TRPC1: variants seen among roughly 807,000 people sequenced by gnomAD.
TRPC1 encodes transient receptor potential cation channel subfamily C member 1, also known as short transient receptor potential channel 1.
In TRPC1, 42 loss-of-function variants were observed where a neutral mutation model predicts 88.2. The ratio of observed to expected loss-of-function variants is 0.48; its 90% CI spans 0.37 to 0.62. The LOEUF (loss-of-function observed/expected upper bound fraction) is 0.62. Ranked by LOEUF, TRPC1 falls within the 20% of genes least tolerant of loss-of-function variation. TRPC1 has a pLI of 0.00. For synonymous variants in TRPC1, 288 were observed against 331.8 expected, an observed-to-expected ratio of 0.87 and a Z score of 1.43; for missense variants, 699 against 957.3, an observed-to-expected ratio of 0.73 and a Z score of 3.56.
At chr3:142,754,089 CAAAAAAAAAAA>C (rs10609600) in intron 4 of TRPC1, among the ~76,000 whole-genome samples, 7 of 86,154 alleles carry the variant, frequency 8.1e-5, no homozygotes, top group African/African-American at 2.9e-4. Context: ...GACTCCGTCT[CAAAAAAAAAAA>C]AAAAAAAAAA....
chr3:142,743,586 A>T lies in TRPC1; in HGVS notation c.429A>T (p.Val143=). ...AACGATCATCAAGACCAACTATAGT[A>T]GTTAGTACTCTTAAATATTTATTAA... is the stretch of plus-strand genomic sequence containing the variant. ...RPKRSSRPTI[V]KLMERIQNPE... Residue 143 remains valine, a splice_region_variant and synonymous_variant, in exon 3 of 13, where the codon GTA becomes GTT. Coordinates refer to ENST00000476941, the MANE Select transcript of TRPC1 (RefSeq NM_001251845.2). The T allele has an allele frequency of 6.7e-7, 1 of 1,484,584 alleles. No individual in the cohort carries two copies. The highest frequency in any genetic ancestry group is 1.3e-5 in the South Asian group (1 of 74,780). 92.0% of individuals were successfully genotyped at this position (1,484,584 alleles called of 1,614,324 possible).
chr3:142,732,044 C>A (rs180959463), intron 1 of TRPC1, among the ~76,000 whole-genome samples: 1 of 152,232 alleles, frequency 6.6e-6, no homozygotes, highest in Admixed American at 6.5e-5. Flanking sequence ...TACTCTCTAA[C>A]CCTTTTTCAG....
chr3:142,743,433 A>G lies in TRPC1; in HGVS notation c.328-52A>G, dbSNP rs146117132. The stretch of plus-strand genomic sequence containing the variant: ...TATTTATGAATTAGTAAAAAGAAGT[A>G]GTTTACCTTTTTATCTTCCATTTTC... On this transcript the variant is annotated intron_variant, in intron 2 of 12. Transcript: ENST00000476941. 1.9e-3 allele frequency: 2,337 copies of G among 1,253,358 alleles called. 5 individuals are homozygous for G. Among genetic ancestry groups the G allele is most frequent in the Middle Eastern group, 4.5e-3 (23 of 5,132 alleles). The allele number at this position is 1,253,358 out of a possible 1,614,324, so 77.6% of individuals were successfully genotyped here.
rs772461951 is a variant in TRPC1, at chr3:142,785,000, C to T, written c.1257C>T (p.Ala419=). 23 of 1,612,468 alleles carry T rather than the reference C, an allele frequency of 1.4e-5. No homozygotes were observed. Among genetic ancestry groups the T allele is most frequent in the Non-Finnish European group, 1.9e-5 (22 of 1,179,544 alleles). The change falls in exon 7 of 13, where the codon GCC becomes GCT. Residue 419 remains alanine (A), a synonymous_variant. Coordinates refer to ENST00000476941, the MANE Select transcript of TRPC1 (RefSeq NM_001251845.2). The part of the protein sequence containing the change: ...NEDKKNTMGP[A]LERIDYLLIL... ...ATAAGAAAAACACAATGGGGCCAGC[C>T]CTTGAAAGAATAGACTATCTTCTTA...
chr3:142,775,242 A>T (rs932584530), intron 4 of TRPC1, among the ~76,000 whole-genome samples: 1 of 152,228 alleles, frequency 6.6e-6, no homozygotes, highest in African/African-American at 2.4e-5. Flanking sequence ...TATAAGCTAA[A>T]TAAGGACTAT....
chr3:142,772,653 G>T (rs1935617884), intron 4 of TRPC1, among the ~76,000 whole-genome samples: 1 of 151,210 alleles, frequency 6.6e-6, no homozygotes, highest in African/African-American at 2.5e-5. Flanking sequence ...CAGGCATGGT[G>T]GCGCACACCT....
chr3:142,797,509 T>G (rs1936489676), intron 9 of TRPC1, among the ~76,000 whole-genome samples: 1 of 152,082 alleles, frequency 6.6e-6, no homozygotes, highest in Non-Finnish European at 1.5e-5. Context: ...GCCTCAACAT[T>G]TATGGTACTT....
At chr3:142,761,218 A>G (rs1472369884) in intron 4 of TRPC1, among the ~76,000 whole-genome samples, 1 of 151,884 alleles carries the variant, frequency 6.6e-6, no homozygotes, top group African/African-American at 2.4e-5. Context: ...TATTATTTTG[A>G]AGTATGTCCC....
intron 1 of TRPC1, among the ~76,000 whole-genome samples, chr3:142,731,534 C>T (rs1933912521): frequency 6.6e-6 from 1 of 151,358 alleles, no homozygotes; most frequent in African/African-American, 2.4e-5. Context: ...ACAGGTGCCC[C>T]CCACCATGCC....
Position 142,724,467 on chromosome 3 carries a change from T to A in TRPC1, c.-93T>A. The A allele has an allele frequency of 7.8e-7, 1 of 1,278,948 alleles. No homozygotes were observed. Among genetic ancestry groups the A allele is most frequent in the African/African-American group, 1.6e-5 (1 of 62,660 alleles). 79.2% of individuals were successfully genotyped at this position (1,278,948 alleles called of 1,614,324 possible). ...AGCAGTGGGAACGACTCATCCTTTT[T>A]CCAGCCCTGGGGCGTGGCTGGGGTC... On this transcript the variant is annotated 5_prime_UTR_variant, in exon 1 of 13. Transcript: ENST00000476941. This position sits in a 1 kb window ranked among gnomAD's most constrained non-coding sequence, Gnocchi z 5.6.
intron 9 of TRPC1, among the ~76,000 whole-genome samples, chr3:142,801,577 TACTC>T (rs1294136714): frequency 6.6e-6 from 1 of 152,126 alleles, no homozygotes; most frequent in African/African-American, 2.4e-5. Flanking sequence ...CTACAAAAGA[TACTC>T]ACTACTAATA....
chr3:142,806,152 G>C lies in TRPC1; in HGVS notation c.2299G>C (p.Asp767His), dbSNP rs769471377. The change falls in exon 13 of 13, where the codon GAT becomes CAT. Residue 767 changes from aspartate to histidine, a missense_variant. Around this residue, in one of 4 missense-constraint regions of TRPC1, gnomAD observed 105 missense variants for 141.7 expected, o/e 0.74. Transcript: ENST00000476941. ...GGAAAATCTAAACGAACTGCGCCAAGATCTGTCAAAATTCCGAAATGAAAT... is the reference window on the plus strand; with the variant it reads ...GGAAAATCTAAACGAACTGCGCCAACATCTGTCAAAATTCCGAAATGAAAT... ...TVENLNELRQ[D>H]LSKFRNEIRD... The C allele has an allele frequency of 1.9e-6, 3 of 1,613,828 alleles. No homozygotes were observed.
In TRPC1 at chr3:142,726,165, A is replaced by G. The variant is rs1933662571; in HGVS notation, c.172+1434A>G. 2.6e-5 allele frequency among the ~76,000 whole-genome samples: 4 copies of G among 152,194 alleles called. No homozygotes were observed. The South Asian group carries it at 8.3e-4, about 31-fold the overall frequency. ...GAGGAAGGGGAGAAGATTGTGTTGT[A>G]CTAAAATGAGTAAGTGCTGGCTCCA... On this transcript the variant is annotated intron_variant, in intron 1 of 12. Coordinates refer to ENST00000476941, the MANE Select transcript of TRPC1 (RefSeq NM_001251845.2).
rs1018024933 is a variant in TRPC1, at chr3:142,806,618, C to T, written c.*383C>T. ...GTAGGCTGATCTCCTTCACAGGATACACTTGAAATATAGAAGTTATGTTTT... is the reference window on the plus strand; with the variant it reads ...GTAGGCTGATCTCCTTCACAGGATATACTTGAAATATAGAAGTTATGTTTT... On this transcript the variant is annotated 3_prime_UTR_variant, in exon 13 of 13. Transcript: ENST00000476941. The T allele has an allele frequency of 4.5e-5, 7 of 156,718 alleles. No homozygotes were observed. Among genetic ancestry groups the T allele is most frequent in the Admixed American group, 1.9e-4 (3 of 15,838 alleles). 9.7% of individuals were successfully genotyped at this position (156,718 alleles called of 1,614,324 possible). A position where few individuals can be genotyped will look rare whatever the true frequency, so the allele number is the denominator to read the frequency against.
Position 142,806,363 on chromosome 3 carries a change from T to C in TRPC1, c.*128T>C. ...ATTATGTAAAAGCCATTCTTTAAAA[T>C]ATTTATAGCATAAATATATGTTATG... On this transcript the variant is annotated 3_prime_UTR_variant, in exon 13 of 13. Transcript: ENST00000476941. The C allele has an allele frequency of 3.9e-6, 3 of 776,576 alleles. No homozygotes were observed. The highest frequency in any genetic ancestry group is 6.0e-6 in the Non-Finnish European group (3 of 500,076). The allele number at this position is 776,576 out of a possible 1,614,324, so 48.1% of individuals were successfully genotyped here.
At chr3:142,777,853 T>C in intron 5 of TRPC1, 90 bp downstream of exon 5, 1 of 1,371,854 alleles carries the variant, frequency 7.3e-7, no homozygotes, top group Non-Finnish European at 9.8e-7. Flanking sequence ...TGTATATATT[T>C]ACATTTGATC....
chr3:142,770,596 A>G (rs1217210056), intron 4 of TRPC1, among the ~76,000 whole-genome samples: 2 of 152,164 alleles, frequency 1.3e-5, no homozygotes, highest in East Asian at 3.8e-4. Flanking sequence ...TGTAGACAAC[A>G]TATAATTGAA....
chr3:142,779,661 C>T (rs565819727), intron 5 of TRPC1, among the ~76,000 whole-genome samples: 1 of 152,120 alleles, frequency 6.6e-6, no homozygotes. Context: ...TTTTATATAG[C>T]CAGTTCCTGG....
rs1577989098 is a variant in TRPC1 at position 142,777,679 on chromosome 3, T to C, written c.680T>C (p.Met227Thr). Residue 227 changes from methionine to threonine, a missense_variant, in exon 5 of 13, where the codon ATG becomes ACG. Met to Thr is a moderately conservative substitution (Grantham distance 81). Around this residue, in one of 4 missense-constraint regions of TRPC1, gnomAD observed 426 missense variants for 641.3 expected, o/e 0.66. Transcript: ENST00000476941. ...TGTTTGGCCAGTCCAGCTCTAATAA[T>C]GTTAACAGAGGAGGATCCAATTCTG... ...YRCLASPALI[M>T]LTEEDPILRA... 3 of 1,613,000 alleles carry C rather than the reference T, an allele frequency of 1.9e-6. No homozygotes were observed. The highest frequency in any genetic ancestry group is 2.7e-5 in the African/African-American group (2 of 75,042).
Sources: gnomAD v4.1 joint callset for allele counts (sites outside exome capture counted in the v4.1 genomes callset) on GRCh38, gnomAD v4.1.1 for gene constraint, gnomAD v4.1.1 regional missense constraint, Gnocchi (gnomAD v3.1) non-coding constraint, MANE v1.5 for transcripts, NCBI Gene and HGNC (gene_info 2026-07-23, HGNC 2026-07-21) for gene names.